COG5: variants seen among roughly 807,000 people sequenced by gnomAD.
The protein encoded by COG5 is conserved oligomeric Golgi complex subunit 5.
Under a neutral mutation model 110.4 loss-of-function variants are expected in COG5, and 86 were observed. The ratio of observed to expected loss-of-function variants is 0.78; its 90% CI spans 0.65 to 0.93. The LOEUF (loss-of-function observed/expected upper bound fraction) is 0.93, where lower values mean the gene tolerates loss of function less well. COG5 is among the 40% of genes least tolerant of loss of function. The pLI is 0.00. For missense variants in COG5, 1,077 were observed against 987.0 expected (o/e 1.09, Z -1.22); for synonymous variants, 360 against 334.6 (o/e 1.08, Z -0.83).
At chr7:107,510,729 G>A (rs1799436494) in intron 6 of COG5, among the ~76,000 whole-genome samples, 1 of 152,154 alleles carries the variant, frequency 6.6e-6, no homozygotes, top group African/African-American at 2.4e-5. Context: ...TAGAACTCAG[G>A]ATTAAGAAAC....
At chr7:107,439,868 CTA>C (rs1794600961) in intron 6 of COG5, among the ~76,000 whole-genome samples, 1 of 152,112 alleles carries the variant, frequency 6.6e-6, no homozygotes, top group African/African-American at 2.4e-5. Context: ...GAGAAGGACT[CTA>C]AGTTTGGTAA....
intron 11 of COG5, among the ~76,000 whole-genome samples, chr7:107,306,278 AC>A (rs1317494882): frequency 2.0e-5 from 3 of 152,168 alleles, no homozygotes; most frequent in African/African-American, 7.2e-5. Context: ...AGAACAAAAC[AC>A]AGCTAAGTCA....
intron 12 of COG5, among the ~76,000 whole-genome samples, chr7:107,285,731 T>C (rs949400392): frequency 1.3e-5 from 2 of 151,870 alleles, no homozygotes; most frequent in Non-Finnish European, 2.9e-5. Flanking sequence ...CCTGGTGGCA[T>C]GGTGGCATGT....
At chr7:107,457,352 G>A (rs796380976) in intron 6 of COG5, among the ~76,000 whole-genome samples, 11 of 141,784 alleles carry the variant, frequency 7.8e-5, no homozygotes, top group African/African-American at 2.9e-4. Context: ...ACAAATTAAA[G>A]CTATGAGGAG....
At chr7:107,506,164 G>A (rs1798981033) in intron 6 of COG5, among the ~76,000 whole-genome samples, 1 of 152,168 alleles carries the variant, frequency 6.6e-6, no homozygotes, top group African/African-American at 2.4e-5. Context: ...TCTCCTTCCT[G>A]GGTGCAGTAT....
intron 14 of COG5, among the ~76,000 whole-genome samples, chr7:107,266,725 C>T (rs971890480): frequency 6.6e-6 from 1 of 151,954 alleles, no homozygotes; most frequent in African/African-American, 2.4e-5. Flanking sequence ...AAGTGGGAAA[C>T]CAGAGGACTA....
intron 7 of COG5, among the ~76,000 whole-genome samples, chr7:107,399,659 T>C (rs940279614): frequency 6.6e-6 from 1 of 152,192 alleles, no homozygotes; most frequent in African/African-American, 2.4e-5. Context: ...TACGTCTTTA[T>C]AGCAGTGTGA....
chr7:107,286,788 CCTT>C (rs1267902549), intron 12 of COG5, among the ~76,000 whole-genome samples: 4 of 152,082 alleles, frequency 2.6e-5, no homozygotes, highest in Admixed American at 2.0e-4. Context: ...TAACCTCACT[CCTT>C]TTTTTAAAAT....
chr7:107,216,101 T>TA (rs1279379115), intron 19 of COG5, among the ~76,000 whole-genome samples: 1 of 152,034 alleles, frequency 6.6e-6, no homozygotes, highest in Admixed American at 6.5e-5. Context: ...GAGGCAGGAC[T>TA]AGCTATCCCT....
intron 14 of COG5, among the ~76,000 whole-genome samples, chr7:107,265,688 T>C (rs1803740893): frequency 6.6e-6 from 1 of 152,208 alleles, no homozygotes; most frequent in Non-Finnish European, 1.5e-5. Flanking sequence ...AATTATCCTA[T>C]AAAAATGTAA....
chr7:107,229,559 G>T (rs1200266977), intron 19 of COG5, among the ~76,000 whole-genome samples: 4 of 152,048 alleles, frequency 2.6e-5, no homozygotes, highest in Admixed American at 2.0e-4. Context: ...CTAAAAATCG[G>T]CTAGTAAAGA....
intron 14 of COG5, among the ~76,000 whole-genome samples, chr7:107,274,022 C>A (rs1042954997): frequency 1.3e-5 from 2 of 152,076 alleles, no homozygotes; most frequent in African/African-American, 4.8e-5. Context: ...AAGTAAATTA[C>A]CATAGCAATG....
chr7:107,360,820 T>C (rs919378694), intron 10 of COG5, among the ~76,000 whole-genome samples: 1 of 152,194 alleles, frequency 6.6e-6, no homozygotes. Flanking sequence ...TGGCTCATGT[T>C]TGTCAGTTGT....
chr7:107,234,934 C>A (rs1801061278), intron 18 of COG5, among the ~76,000 whole-genome samples: 2 of 151,706 alleles, frequency 1.3e-5, no homozygotes, highest in African/African-American at 2.4e-5. Flanking sequence ...GTACAGGTGC[C>A]TAAGAATGAA....
intron 6 of COG5, among the ~76,000 whole-genome samples, chr7:107,427,573 G>A (rs1793730935): frequency 6.6e-6 from 1 of 151,902 alleles, no homozygotes; most frequent in Non-Finnish European, 1.5e-5. Flanking sequence ...TAATACAGTT[G>A]ACACTGGATT....
rs984282726 is a variant in COG5 at position 107,534,862 on chromosome 7, A to G, written c.418-7505T>C. 4.0e-5 allele frequency among the ~76,000 whole-genome samples: 6 copies of G among 151,692 alleles called. 1 individual carries two copies. Among genetic ancestry groups the G allele is most frequent in the African/African-American group, 1.5e-4 (6 of 40,942 alleles). ...ACTCTCCACCCCAAATCAACAGAAT[A>G]TACATTCTTCTCAGTACCACACAGC... On this transcript the variant is annotated intron_variant, in intron 5 of 21. Transcript: ENST00000297135.
chr7:107,487,651 T>C (rs1253391136), intron 6 of COG5, among the ~76,000 whole-genome samples: 1 of 151,462 alleles, frequency 6.6e-6, no homozygotes. Context: ...CTAAAATGTA[T>C]CATAAGGAAA....
At chr7:107,508,091 T>G (rs891997930) in intron 6 of COG5, among the ~76,000 whole-genome samples, 1 of 152,182 alleles carries the variant, frequency 6.6e-6, no homozygotes, top group Admixed American at 6.5e-5. Flanking sequence ...ATTGCCTCAC[T>G]CGGGAAGAGC....
intron 6 of COG5, among the ~76,000 whole-genome samples, chr7:107,466,479 T>C (rs1796305196): frequency 6.6e-6 from 1 of 152,220 alleles, no homozygotes; most frequent in African/African-American, 2.4e-5. Flanking sequence ...AAGAATGGCT[T>C]TGGATTTTCT....
Sources: gnomAD v4.1 joint callset for allele counts (sites outside exome capture counted in the v4.1 genomes callset) on GRCh38, gnomAD v4.1.1 for gene constraint, MANE v1.5 for transcripts, NCBI Gene and HGNC (gene_info 2026-07-23, HGNC 2026-07-21) for gene names.